The following TTYH2 variants were observed in gnomAD, a reference collection of about 807,000 sequenced individuals.
TTYH2 encodes the protein tweety family member 2, also known as protein tweety homolog 2.
Under a neutral mutation model 68.3 loss-of-function variants are expected in TTYH2, and 49 were observed. The ratio of observed to expected loss-of-function variants is 0.72; its 90% confidence interval spans 0.57 to 0.91. The LOEUF is 0.91. TTYH2 is among the 40% of genes least tolerant of loss of function. TTYH2 has a pLI of 0.00. For missense variants in TTYH2, 631 were observed against 700.4 expected, an observed-to-expected ratio of 0.90 and a Z score of 1.12; for synonymous variants, 272 against 300.8, an observed-to-expected ratio of 0.90 and a Z score of 0.99.
chr17:74,213,611 C>T lies in TTYH2; in HGVS notation c.24C>T (p.Tyr8=). 5.0e-6 allele frequency: 8 copies of T among 1,610,870 alleles called. No individual in the cohort carries two copies. Among genetic ancestry groups the T allele is most frequent in the Non-Finnish European group, 6.8e-6 (8 of 1,178,952 alleles). ...CCATGCAGGCGGCGCGCGTGGACTACATCGCTCCCTGGTGGGTCGTGTGGC... is the reference window on the plus strand; with the variant it reads ...CCATGCAGGCGGCGCGCGTGGACTATATCGCTCCCTGGTGGGTCGTGTGGC... MQAARVD[Y]IAPWWVVWLH... The change falls in exon 1 of 14, where the codon TAC becomes TAT. Residue 8 remains tyrosine (Y), a synonymous_variant. Coordinates refer to ENST00000269346, the MANE Select transcript of TTYH2 (RefSeq NM_032646.6). This position sits in a 1 kb window ranked among gnomAD's most constrained non-coding sequence, Gnocchi z 6.1.
intron 10 of TTYH2, among the ~76,000 whole-genome samples, chr17:74,251,425 A>G (rs1223953430): frequency 1.3e-5 from 2 of 151,896 alleles, no homozygotes; most frequent in Non-Finnish European, 1.5e-5. Flanking sequence ...GGCTTACTGA[A>G]GAGTCCCGAG....
At chr17:74,244,201 C>T (rs1169595686) in intron 6 of TTYH2, 152 bp downstream of exon 6, 1 of 678,906 alleles carries the variant, frequency 1.5e-6, no homozygotes, top group African/African-American at 1.8e-5. Context: ...TGAACCGGCC[C>T]CTCTCGTTAC....
chr17:74,229,986 C>T (rs892781001), intron 2 of TTYH2, among the ~76,000 whole-genome samples: 4 of 152,150 alleles, frequency 2.6e-5, no homozygotes, highest in Non-Finnish European at 5.9e-5. Flanking sequence ...CAAAAATTAG[C>T]CAGGCGTGGT....
At chr17:74,247,979 T>A (rs2050577907) in intron 6 of TTYH2, 1 of 152,244 alleles carries the variant, frequency 6.6e-6, no homozygotes, top group Admixed American at 6.5e-5. Context: ...TGTGATGCAC[T>A]AACCTCTAGG....
chr17:74,235,616 G>C (rs566321096), intron 3 of TTYH2, among the ~76,000 whole-genome samples: 1 of 152,122 alleles, frequency 6.6e-6, no homozygotes, highest in Non-Finnish European at 1.5e-5. Context: ...ATGGCCGGGC[G>C]TGGTGGCTCA....
At chr17:74,246,436 A>T (rs9915865) in intron 6 of TTYH2, among the ~76,000 whole-genome samples, 23,267 of 152,104 alleles carry the variant, frequency 0.15, 1,880 homozygotes, top group African/African-American at 0.2. Flanking sequence ...TCATCCTGGG[A>T]GGCACACAGA....
Position 74,250,570 on chromosome 17 carries a change from G to T in TTYH2, c.1116+213G>T, listed in dbSNP as rs7223962. 3 of 542,178 alleles carry T rather than the reference G, an allele frequency of 5.5e-6. No homozygotes were observed. In the African/African-American group the frequency reaches 5.8e-5, roughly 10 times the overall value. The allele number at this position is 542,178 out of a possible 1,614,324, so 33.6% of individuals were successfully genotyped here. A position where few individuals can be genotyped will look rare whatever the true frequency, so the allele number is the denominator to read the frequency against. On this transcript the variant is annotated intron_variant, in intron 10 of 13. Coordinates refer to ENST00000269346, the MANE Select transcript of TTYH2 (RefSeq NM_032646.6). ...ACTCAGTACAAGGGACCAGGGGTTC[G>T]GGATGGGAGGGTTGGATGCGGTTGG... is the stretch of plus-strand genomic sequence containing the variant.
intron 3 of TTYH2, among the ~76,000 whole-genome samples, chr17:74,234,901 C>CA (rs2050427520): frequency 6.6e-6 from 1 of 152,132 alleles, no homozygotes; most frequent in Non-Finnish European, 1.5e-5. Flanking sequence ...AGTGGTTGTA[C>CA]ATTTATCTTA....
intron 4 of TTYH2, among the ~76,000 whole-genome samples, 172 bp downstream of exon 4, chr17:74,237,686 G>A (rs2050458310): frequency 6.6e-6 from 1 of 152,104 alleles, no homozygotes; most frequent in Non-Finnish European, 1.5e-5. Flanking sequence ...GAGTGAAGTG[G>A]CACGATCTCA....
At chr17:74,221,227 T>C (rs1403869454) in intron 1 of TTYH2, among the ~76,000 whole-genome samples, 2 of 152,198 alleles carry the variant, frequency 1.3e-5, no homozygotes, top group East Asian at 3.9e-4. Context: ...GAGCAGTCCA[T>C]GTCAGAGGCC....
Position 74,253,802 on chromosome 17 carries a change from C to T in TTYH2, c.1493C>T (p.Pro498Leu). 6.2e-7 allele frequency: 1 copy of T among 1,614,220 alleles called. No homozygotes were observed. Among genetic ancestry groups the T allele is most frequent in the Non-Finnish European group, 8.5e-7 (1 of 1,180,042 alleles). The change falls in exon 13 of 14, where the codon CCA becomes CTA. Residue 498 changes from proline (P) to leucine (L), a missense_variant. Pro to Leu is a moderately conservative substitution (Grantham distance 98). Transcript: ENST00000269346. ...AGGAACCCACGCTACGAGAACGTGC[C>T]ACTAATCGGGAGAGCCTCCCCTCCG... is the stretch of plus-strand genomic sequence containing the variant. Reference protein sequence around the residue: ...FGRNPRYENVPLIGRASPPPT... With the variant: ...FGRNPRYENVLLIGRASPPPT...
At position 74,249,064 on chromosome 17, in the gene TTYH2, G is replaced by C; in HGVS notation, c.858G>C (p.Glu286Asp). Residue 286 changes from glutamate to aspartate, a missense_variant, in exon 7 of 14, where the codon GAG becomes GAC. By Grantham distance (45) the Glu-to-Asp change is conservative. Transcript: ENST00000269346. Reference sequence around the variant, plus strand: ...ACACCTTCATCCTGAACGTCACGGAGGGCCAGATCAGCACAGGTAACTACA... The same window carrying C: ...ACACCTTCATCCTGAACGTCACGGACGGCCAGATCAGCACAGGTAACTACA... ...APDTFILNVT[E>D]GQISTEVTRY... The C allele has an allele frequency of 6.2e-7, 1 of 1,614,164 alleles. No homozygotes were observed. The highest frequency in any genetic ancestry group is 8.5e-7 in the Non-Finnish European group (1 of 1,180,020).
chr17:74,248,527 G>A (rs1240398928), intron 6 of TTYH2: 1 of 993,852 alleles, frequency 1.0e-6, no homozygotes, highest in African/African-American at 1.7e-5. Flanking sequence ...AAGAGTTTGG[G>A]GGAGGCTTCA....
rs574317975 is a variant in TTYH2, at chr17:74,258,086, G to A, written c.1525-2043G>A. Among the ~76,000 whole-genome samples, 14 of 149,494 alleles carry A rather than the reference G, an allele frequency of 9.4e-5. No homozygotes were observed. The East Asian group carries it at 2.6e-3, about 28-fold the overall frequency. ...GGAGAATCACTTGAACCCAGGAGGCGGAGGTTGTAGTGAGCTGAGATTGCA... is the reference window on the plus strand; with the variant it reads ...GGAGAATCACTTGAACCCAGGAGGCAGAGGTTGTAGTGAGCTGAGATTGCA... On this transcript the variant is annotated intron_variant, in intron 13 of 13. Transcript: ENST00000269346.
intron 3 of TTYH2, among the ~76,000 whole-genome samples, chr17:74,233,920 G>A (rs2050415739): frequency 6.6e-6 from 1 of 152,172 alleles, no homozygotes; most frequent in South Asian, 2.1e-4. Flanking sequence ...GGCACAGGGA[G>A]GTTGCATTGC....
At position 74,246,330 on chromosome 17, in the gene TTYH2, T is replaced by A. The variant is rs535866658; in HGVS notation, c.804+2281T>A. 9.7e-4 allele frequency among the ~76,000 whole-genome samples: 148 copies of A among 152,240 alleles called. 1 individual carries two copies. Among genetic ancestry groups the A allele is most frequent in the African/African-American group, 3.3e-3 (137 of 41,554 alleles). Reference sequence around the variant, plus strand: ...CCCAGCAGTGGAAACCCAGGAAAGTTCCTGAGGTTTTCTGTGCCTCAGCTT... The same window carrying A: ...CCCAGCAGTGGAAACCCAGGAAAGTACCTGAGGTTTTCTGTGCCTCAGCTT... On this transcript the variant is annotated intron_variant, in intron 6 of 13. Coordinates refer to ENST00000269346, the MANE Select transcript of TTYH2 (RefSeq NM_032646.6).
At chr17:74,251,613 C>G (rs1186307461) in intron 10 of TTYH2, among the ~76,000 whole-genome samples, 2 of 151,902 alleles carry the variant, frequency 1.3e-5, no homozygotes, top group African/African-American at 2.4e-5. Flanking sequence ...TCCATGGCTT[C>G]CACCACGATC....
intron 2 of TTYH2, among the ~76,000 whole-genome samples, chr17:74,226,767 G>A (rs2050334515): frequency 6.6e-6 from 1 of 152,096 alleles, no homozygotes; most frequent in Non-Finnish European, 1.5e-5. Flanking sequence ...TATGGGGGAA[G>A]GGTAGTGATT....
chr17:74,248,479 G>A, intron 6 of TTYH2: 4 of 988,054 alleles, frequency 4.0e-6, no homozygotes, highest in Non-Finnish European at 4.8e-6. Flanking sequence ...CTGCACCCAA[G>A]GCTCACAGAT....
Sources: allele counts gnomAD v4.1 joint callset (sites outside exome capture counted in the v4.1 genomes callset), GRCh38; gene constraint gnomAD v4.1.1; non-coding constraint Gnocchi (gnomAD v3.1); transcripts MANE v1.5; gene names NCBI Gene and HGNC (gene_info 2026-07-23, HGNC 2026-07-21).